DEPTOR: variants seen among roughly 807,000 people sequenced by gnomAD.
DEPTOR encodes DEP domain-containing mTOR-interacting protein.
In DEPTOR, 41 loss-of-function variants were observed where a neutral mutation model predicts 41.6. The ratio of observed to expected loss-of-function variants is 0.98; its 90% CI spans 0.77 to 1.28. DEPTOR has a LOEUF of 1.28. DEPTOR is among the 50% of genes most tolerant of loss of function. DEPTOR has a pLI of 0.00. For synonymous variants in DEPTOR, 195 were observed against 192.3 expected, an observed-to-expected ratio of 1.01 and a Z score of -0.12; for missense variants, 514 against 527.9, an observed-to-expected ratio of 0.97 and a Z score of 0.26.
At chr8:119,987,497 A>T (rs1284216761) in intron 4 of DEPTOR, among the ~76,000 whole-genome samples, 6 of 152,176 alleles carry the variant, frequency 3.9e-5, no homozygotes, top group Non-Finnish European at 8.8e-5. Context: ...CCCAGTCAGG[A>T]GGCATGGGAT....
At chr8:119,916,156 G>A (rs1251205506) in intron 1 of DEPTOR, among the ~76,000 whole-genome samples, 1 of 152,094 alleles carries the variant, frequency 6.6e-6, no homozygotes, top group East Asian at 1.9e-4. Context: ...CTGGAGTGCA[G>A]TGGCGCGATC....
chr8:119,888,077 T>A (rs1384256044), intron 1 of DEPTOR, among the ~76,000 whole-genome samples: 1 of 152,180 alleles, frequency 6.6e-6, no homozygotes, highest in Non-Finnish European at 1.5e-5. Flanking sequence ...CACCTTGGCT[T>A]CCCAAAATGT....
At chr8:119,946,722 G>A (rs537580603) in intron 3 of DEPTOR, among the ~76,000 whole-genome samples, 6 of 151,990 alleles carry the variant, frequency 3.9e-5, no homozygotes, top group Non-Finnish European at 4.4e-5. Context: ...CAACAAGAGC[G>A]AAACTTTGTC....
At chr8:119,944,075 C>T (rs1010531073) in intron 3 of DEPTOR, among the ~76,000 whole-genome samples, 10 of 152,120 alleles carry the variant, frequency 6.6e-5, no homozygotes, top group African/African-American at 2.2e-4. Context: ...CTCCTGACCT[C>T]GTGATCTGCC....
chr8:119,948,795 A>T (rs894383665), intron 3 of DEPTOR, among the ~76,000 whole-genome samples: 3 of 150,548 alleles, frequency 2.0e-5, no homozygotes, highest in South Asian at 2.1e-4. Flanking sequence ...ATTTTTATTT[A>T]TTTTTTTTTG....
At chr8:120,029,928 G>A (rs1320430506) in intron 8 of DEPTOR, among the ~76,000 whole-genome samples, 3 of 152,188 alleles carry the variant, frequency 2.0e-5, no homozygotes, top group African/African-American at 7.2e-5. Flanking sequence ...TCTCTGAGGA[G>A]AAAGCTGTCT....
At chr8:119,924,171 C>T (rs4871786) in intron 1 of DEPTOR, among the ~76,000 whole-genome samples, 42,665 of 151,846 alleles carry the variant, frequency 0.28, 6,390 homozygotes, top group Middle Eastern at 0.39. Flanking sequence ...AGTCTTGCTT[C>T]TGAGGTGTTG....
intron 1 of DEPTOR, among the ~76,000 whole-genome samples, chr8:119,887,252 C>G (rs1233135712): frequency 7.0e-6 from 1 of 143,106 alleles, no homozygotes; most frequent in African/African-American, 2.6e-5. Context: ...CAGCTCCCTG[C>G]AACCTCTGCC....
intron 1 of DEPTOR, among the ~76,000 whole-genome samples, chr8:119,918,963 G>GTGTA (rs748578917): frequency 1.1e-5 from 1 of 91,436 alleles, no homozygotes; most frequent in African/African-American, 3.7e-5. Context: ...GTGTGTGTGT[G>GTGTA]TGTATGTGTA....
At chr8:119,940,962 G>C (rs1025422089) in intron 3 of DEPTOR, among the ~76,000 whole-genome samples, 1 of 152,102 alleles carries the variant, frequency 6.6e-6, no homozygotes, top group African/African-American at 2.4e-5. Context: ...GGGGAATAGG[G>C]AGTCATTGTT....
intron 8 of DEPTOR, among the ~76,000 whole-genome samples, chr8:120,012,042 A>G (rs1812538912): frequency 6.6e-6 from 1 of 152,218 alleles, no homozygotes. Context: ...ACATTAGCAT[A>G]TTGAAAACTC....
At chr8:119,997,546 T>A (rs1812285110) in intron 4 of DEPTOR, among the ~76,000 whole-genome samples, 1 of 152,198 alleles carries the variant, frequency 6.6e-6, no homozygotes, top group Non-Finnish European at 1.5e-5. Flanking sequence ...AGATTATTTA[T>A]TAAGAACATG....
At chr8:120,043,238 C>A (rs1477566374) in intron 8 of DEPTOR, among the ~76,000 whole-genome samples, 1 of 152,138 alleles carries the variant, frequency 6.6e-6, no homozygotes, top group Non-Finnish European at 1.5e-5. Context: ...CTCAGCCTTT[C>A]AAAGTGCTGG....
At chr8:120,039,795 G>A (rs192213034) in intron 8 of DEPTOR, among the ~76,000 whole-genome samples, 115 of 152,168 alleles carry the variant, frequency 7.6e-4, no homozygotes, top group Non-Finnish European at 1.4e-3. Flanking sequence ...GCAAAATTTG[G>A]CTCTAAAAAT....
intron 3 of DEPTOR, among the ~76,000 whole-genome samples, chr8:119,930,748 G>A (rs1223895115): frequency 6.6e-6 from 1 of 151,998 alleles, no homozygotes; most frequent in African/African-American, 2.4e-5. Flanking sequence ...GGTGGGTCTC[G>A]AATCTTCTGA....
Position 119,985,725 on chromosome 8 carries a change from G to A in DEPTOR, c.605-15800G>A, listed in dbSNP as rs2130032685. ...TTTAGGACAGTTAGCTCTTCTTGTT[G>A]CATTGATCCCTTTACCATTATGTAA... On this transcript the variant is annotated intron_variant, in intron 4 of 8. Transcript: ENST00000286234. Among the ~76,000 whole-genome samples the A allele has an allele frequency of 1.3e-5, 2 of 150,856 alleles. 1 individual carries two copies. The highest frequency in any genetic ancestry group is 4.2e-4 in the South Asian group (2 of 4,772).
At chr8:119,999,900 C>T (rs79534429) in intron 4 of DEPTOR, among the ~76,000 whole-genome samples, 80 of 152,236 alleles carry the variant, frequency 5.3e-4, no homozygotes, top group African/African-American at 1.5e-3. Flanking sequence ...GAAATCTCTA[C>T]GTGTGATAAA....
chr8:119,911,360 C>T (rs7001126), intron 1 of DEPTOR, among the ~76,000 whole-genome samples: 30,918 of 144,416 alleles, frequency 0.21, 3,826 homozygotes, highest in African/African-American at 0.33. Context: ...CTCTTGTCAC[C>T]CTGGCTGGAG....
intron 8 of DEPTOR, among the ~76,000 whole-genome samples, chr8:120,044,974 C>T (rs1015846075): frequency 1.3e-5 from 2 of 152,198 alleles, no homozygotes; most frequent in African/African-American, 2.4e-5. Context: ...ATTGCTTTTG[C>T]ACCTACCTAA....
Sources: allele counts gnomAD v4.1 joint callset (sites outside exome capture counted in the v4.1 genomes callset), GRCh38; gene constraint gnomAD v4.1.1; transcripts MANE v1.5; gene names NCBI Gene and HGNC (gene_info 2026-07-23, HGNC 2026-07-21).